The following TUB variants were observed in gnomAD, a reference collection of about 807,000 sequenced individuals.
TUB encodes TUB bipartite transcription factor.
In TUB, 33 loss-of-function variants were observed where a neutral mutation model predicts 59.7. The ratio of observed to expected loss-of-function variants is 0.55; its 90% CI spans 0.42 to 0.74. The LOEUF (loss-of-function observed/expected upper bound fraction) is 0.74. TUB is among the 30% of genes least tolerant of loss of function. TUB has a pLI of 0.00. For missense variants in TUB, 659 were observed against 672.0 expected (o/e 0.98, Z 0.21); for synonymous variants, 293 against 256.4 (o/e 1.14, Z -1.36).
chr11:8,063,117 C>T (rs1056723135), intron 2 of TUB, among the ~76,000 whole-genome samples: 5 of 152,154 alleles, frequency 3.3e-5, no homozygotes, highest in East Asian at 1.9e-4. Flanking sequence ...CAGGGCCCAG[C>T]GCCTCCGGTC....
At position 8,105,886 on chromosome 11, in the gene TUB, A is replaced by G. The variant is rs1231247903; in HGVS notation, c.*4267A>G. Reference sequence around the variant, plus strand: ...GAACGCAACTTAGGATGGCTAGGAAAGGGAAGCCTGACTGCTCGGTCAGGA... The same window carrying G: ...GAACGCAACTTAGGATGGCTAGGAAGGGGAAGCCTGACTGCTCGGTCAGGA... On this transcript the variant is annotated 3_prime_UTR_variant, in exon 12 of 12. Transcript: ENST00000299506. The G allele has an allele frequency of 6.6e-6, 1 of 152,192 alleles. No individual in the cohort carries two copies. The highest frequency in any genetic ancestry group is 1.5e-5 in the Non-Finnish European group (1 of 68,024). 9.4% of individuals were successfully genotyped at this position (152,192 alleles called of 1,614,324 possible). A position where few individuals can be genotyped will look rare whatever the true frequency, so the allele number is the denominator to read the frequency against.
intron 9 of TUB, among the ~76,000 whole-genome samples, chr11:8,099,583 G>C (rs962104257): frequency 6.6e-5 from 10 of 152,206 alleles, no homozygotes; most frequent in Non-Finnish European, 1.2e-4. Context: ...TAAGGATATA[G>C]TAATGAACAG....
In TUB at chr11:8,097,055, G is replaced by GGGCA. The variant is rs1215194830; in HGVS notation, c.688-170_688-167dup. Among the ~76,000 whole-genome samples the GGGCA allele has an allele frequency of 2.6e-5, 4 of 152,132 alleles. No individual in the cohort carries two copies. The East Asian group carries it at 7.7e-4, about 29-fold the overall frequency. On this transcript the variant is annotated intron_variant, in intron 6 of 11. Transcript: ENST00000299506. ...CATCTCCACCTCTAGGAACTGTTGA[G>GGGCA]GGCAGGGCTGGGAAGATAGCTTCTG...
chr11:8,081,062 G>C (rs1472620609), upstream of TUB, among the ~76,000 whole-genome samples: 2 of 152,030 alleles, frequency 1.3e-5, no homozygotes, highest in Non-Finnish European at 2.9e-5. Context: ...GAGCCGGCGC[G>C]GTCACGCGCA....
At chr11:8,098,355 G>C (rs748611527) in intron 8 of TUB, among the ~76,000 whole-genome samples, 1 of 152,134 alleles carries the variant, frequency 6.6e-6, no homozygotes, top group Non-Finnish European at 1.5e-5. Flanking sequence ...TGGAGATGGG[G>C]CTGGACTGAG....
At position 8,094,144 on chromosome 11, in the gene TUB, G is replaced by A. The variant is rs147424798; in HGVS notation, c.352G>A (p.Gly118Ser). 1.7e-4 allele frequency: 282 copies of A among 1,613,954 alleles called. No homozygotes were observed. Among genetic ancestry groups the A allele is most frequent in the Non-Finnish European group, 2.3e-4 (273 of 1,179,998 alleles). Residue 118 changes from glycine (G) to serine (S), a missense_variant, in exon 4 of 12, where the codon GGC (glycine) becomes AGC (serine). Physicochemically the swap from Gly to Ser is moderately conservative, Grantham distance 56 (BLOSUM62 0). Coordinates refer to ENST00000299506, the MANE Select transcript of TUB (RefSeq NM_177972.3). The part of the protein sequence containing the change: ...KRTKAAATAG[G>S]QGGAARKEKK... The stretch of plus-strand genomic sequence containing the variant: ...AACCAAGGCGGCAGCTACAGCAGGG[G>A]GCCAGGGTGGCGCCGCTAGGAAGGA...
intron 2 of TUB, among the ~76,000 whole-genome samples, chr11:8,046,394 A>C (rs1421384214): frequency 6.6e-6 from 1 of 152,090 alleles, no homozygotes; most frequent in Admixed American, 6.5e-5. Flanking sequence ...TACATTCCCA[A>C]CTGGATATCA....
At chr11:8,053,865 C>T (rs1352475089) in intron 2 of TUB, among the ~76,000 whole-genome samples, 1 of 150,502 alleles carries the variant, frequency 6.6e-6, no homozygotes, top group Non-Finnish European at 1.5e-5. Context: ...CCTGTAATCC[C>T]AGCACTTTGG....
At chr11:8,091,729 C>A (rs1052705325) in intron 3 of TUB, among the ~76,000 whole-genome samples, 5 of 152,176 alleles carry the variant, frequency 3.3e-5, no homozygotes, top group African/African-American at 1.2e-4. Context: ...GACCTCAGCC[C>A]AGCTGTCTCA....
chr11:8,105,516 G>A lies in TUB; in HGVS notation c.*3897G>A. 6.6e-6 allele frequency: 1 copy of A among 152,318 alleles called. No homozygotes were observed. Among genetic ancestry groups the A allele is most frequent in the Non-Finnish European group, 1.5e-5 (1 of 68,030 alleles). 9.4% of individuals were successfully genotyped at this position (152,318 alleles called of 1,614,324 possible). ...TTTGGTTTTTAAATTTTCCAACCAAGTGGAAAGGCAAGTTGGTCTTATAGA... is the reference window on the plus strand; with the variant it reads ...TTTGGTTTTTAAATTTTCCAACCAAATGGAAAGGCAAGTTGGTCTTATAGA... On this transcript the variant is annotated 3_prime_UTR_variant, in exon 12 of 12. Transcript: ENST00000299506.
rs1944451392 is a variant in TUB, at chr11:8,104,539, T to TA, written c.*2922dup. 2 of 152,204 alleles carry TA rather than the reference T, an allele frequency of 1.3e-5. No individual in the cohort carries two copies. The highest frequency in any genetic ancestry group is 4.1e-4 in the South Asian group (2 of 4,828). 9.4% of individuals were successfully genotyped at this position (152,204 alleles called of 1,614,324 possible). A position where few individuals can be genotyped will look rare whatever the true frequency, so the allele number is the denominator to read the frequency against. ...TGAGAATGAATGAGTAGGAAAGGAA[T>TA]AAGGATGTTGTTATGATCGCCTGTG... On this transcript the variant is annotated 3_prime_UTR_variant, in exon 12 of 12. Coordinates refer to ENST00000299506, the MANE Select transcript of TUB (RefSeq NM_177972.3).
At chr11:8,047,225 T>C (rs571346972) in intron 2 of TUB, among the ~76,000 whole-genome samples, 12 of 152,198 alleles carry the variant, frequency 7.9e-5, no homozygotes, top group Non-Finnish European at 1.6e-4. Context: ...CCATATGTAG[T>C]GCTCTTCCCT....
intron 2 of TUB, among the ~76,000 whole-genome samples, chr11:8,072,799 T>G (rs1433916393): frequency 6.6e-6 from 1 of 152,248 alleles, no homozygotes; most frequent in African/African-American, 2.4e-5. Flanking sequence ...TCAGCTCCCC[T>G]CAGTCTTGTG....
intron 2 of TUB, among the ~76,000 whole-genome samples, chr11:8,049,578 T>TATAGATAGATAGATAGATAGATAG (rs1554923442): frequency 8.1e-5 from 7 of 85,916 alleles, no homozygotes; most frequent in African/African-American, 2.1e-4. Flanking sequence ...TATATATATA[T>TATAGATAGATAGATAGATAGATAG]ATAGATAGAT....
chr11:8,069,408 G>A (rs376283239), intron 2 of TUB: 1 of 148,232 alleles, frequency 6.7e-6, no homozygotes, highest in Non-Finnish European at 1.5e-5. Context: ...TCGGGGGGGG[G>A]GGGTAATTAA....
intron 2 of TUB, among the ~76,000 whole-genome samples, chr11:8,047,418 G>A (rs1942852056): frequency 1.3e-5 from 2 of 152,148 alleles, no homozygotes; most frequent in South Asian, 2.1e-4. Context: ...GGGTAAGAAC[G>A]TATCTTGCTT....
chr11:8,068,840 T>TC (rs1943299826), intron 2 of TUB: 1 of 152,212 alleles, frequency 6.6e-6, no homozygotes, highest in African/African-American at 2.4e-5. Flanking sequence ...TGCCCTGTGT[T>TC]AGTCATCTCT....
At chr11:8,082,644 C>G (rs1346051794) in intron 1 of TUB, among the ~76,000 whole-genome samples, 6 of 152,232 alleles carry the variant, frequency 3.9e-5, no homozygotes, top group Non-Finnish European at 7.3e-5. Flanking sequence ...ACAGCTTGCT[C>G]TCTGTTAGAG....
upstream of TUB, among the ~76,000 whole-genome samples, chr11:8,034,899 A>G (rs1942625714): frequency 6.6e-6 from 1 of 152,236 alleles, no homozygotes; most frequent in South Asian, 2.1e-4. Context: ...CAGCAGCAAT[A>G]TTCATGTTGC....
Sources: allele counts gnomAD v4.1 joint callset (sites outside exome capture counted in the v4.1 genomes callset), GRCh38; gene constraint gnomAD v4.1.1; transcripts MANE v1.5; gene names NCBI Gene and HGNC (gene_info 2026-07-23, HGNC 2026-07-21).